The following PLD1 variants were observed in gnomAD, a reference collection of about 807,000 sequenced individuals.
PLD1 encodes phospholipase D1.
In PLD1, 112 loss-of-function variants were observed where a neutral mutation model predicts 137.1. The observed-to-expected ratio is 0.82, with a 90% confidence interval of 0.70 to 0.96. The LOEUF (loss-of-function observed/expected upper bound fraction) is 0.96, where lower values mean the gene tolerates loss of function less well. Ranked by LOEUF, PLD1 falls within the 40% of genes least tolerant of loss-of-function variation. The pLI, the probability that PLD1 is intolerant of heterozygous loss-of-function variation, is 0.00. For missense variants in PLD1, 1,321 were observed against 1,342.0 expected (o/e 0.98, Z 0.24); for synonymous variants, 431 against 454.7 (o/e 0.95, Z 0.66).
At chr3:171,711,167 CTT>C (rs562934959) in intron 9 of PLD1, among the ~76,000 whole-genome samples, 2,357 of 94,636 alleles carry the variant, frequency 0.025, 26 homozygotes, top group Non-Finnish European at 0.03. Flanking sequence ...CTGTGCCAGC[CTT>C]TTTTTTTTTT....
rs1184906870 is a variant in PLD1 at position 171,686,797 on chromosome 3, AC to A, written c.1754del (p.Ser585IlefsTer12). 3 of 1,394,614 alleles carry A rather than the reference AC, an allele frequency of 2.2e-6. No individual in the cohort carries two copies. In the African/African-American group the frequency reaches 4.4e-5, roughly 20 times the overall value. The allele number at this position is 1,394,614 out of a possible 1,614,324, so 86.4% of individuals were successfully genotyped here. On this transcript the variant is annotated frameshift_variant and splice_region_variant, in exon 16 of 27. Transcript: ENST00000351298. LOFTEE classifies it high-confidence loss of function. ...GATGACTTCTATAGTGATTAAAATA[AC>A]CTAGAGAAATTAAGAATTTTTTTAC... is the stretch of plus-strand genomic sequence containing the variant. ...DSISSIDSTS[S>X]YFNHYRSHHN...
At position 171,654,130 on chromosome 3, in the gene PLD1, G is replaced by A. The variant is rs552598369; in HGVS notation, c.2429+5083C>T. ...AGCCTGGCCGACATGGTGAAACCCC[G>A]TCTCCACCAAAAATACAAAAAAATT... On this transcript the variant is annotated intron_variant, in intron 21 of 26. Coordinates refer to ENST00000351298, the MANE Select transcript of PLD1 (RefSeq NM_002662.5). 28 of 360,060 alleles carry A rather than the reference G, an allele frequency of 7.8e-5. No individual in the cohort carries two copies. The East Asian group carries it at 2.1e-3, about 27-fold the overall frequency. 22.3% of individuals were successfully genotyped at this position (360,060 alleles called of 1,614,324 possible).
intron 26 of PLD1, among the ~76,000 whole-genome samples, chr3:171,603,543 CTAA>C (rs1364582872): frequency 6.6e-6 from 1 of 152,134 alleles, no homozygotes; most frequent in Non-Finnish European, 1.5e-5. Context: ...AGAAATTACA[CTAA>C]TGTTACCCCA....
At chr3:171,758,354 G>A (rs1229592925) in intron 1 of PLD1, among the ~76,000 whole-genome samples, 5 of 152,118 alleles carry the variant, frequency 3.3e-5, no homozygotes, top group African/African-American at 1.2e-4. Flanking sequence ...GAACTTAACT[G>A]GACACTGGCC....
intron 19 of PLD1, among the ~76,000 whole-genome samples, chr3:171,663,941 A>G (rs1008879163): frequency 6.6e-6 from 1 of 152,236 alleles, no homozygotes; most frequent in Admixed American, 6.5e-5. Flanking sequence ...GTTCAAATCA[A>G]TAACTTTAAA....
At chr3:171,730,023 A>G (rs1285165165) in intron 6 of PLD1, among the ~76,000 whole-genome samples, 1 of 152,194 alleles carries the variant, frequency 6.6e-6, no homozygotes, top group African/African-American at 2.4e-5. Flanking sequence ...TCTCTTGGAA[A>G]TTGTACAATT....
At chr3:171,747,929 A>G (rs1454022572) in intron 1 of PLD1, among the ~76,000 whole-genome samples, 1 of 152,218 alleles carries the variant, frequency 6.6e-6, no homozygotes, top group Admixed American at 6.5e-5. Flanking sequence ...TCACCTAAAA[A>G]CTGAAAATTA....
intron 16 of PLD1, among the ~76,000 whole-genome samples, chr3:171,682,792 C>G (rs960333507): frequency 2.6e-5 from 4 of 152,154 alleles, no homozygotes; most frequent in African/African-American, 9.7e-5. Context: ...CTTCAATGTT[C>G]TCCTCAAAGC....
At chr3:171,656,469 C>A (rs1737213931) in intron 21 of PLD1, among the ~76,000 whole-genome samples, 1 of 152,324 alleles carries the variant, frequency 6.6e-6, no homozygotes, top group South Asian at 2.1e-4. Flanking sequence ...CCATGCCCAG[C>A]CTAATTTTAT....
intron 19 of PLD1, among the ~76,000 whole-genome samples, chr3:171,664,621 C>A (rs973359247): frequency 9.1e-6 from 1 of 109,468 alleles, no homozygotes; most frequent in Non-Finnish European, 1.8e-5. Flanking sequence ...CCATGCCCAG[C>A]TATTTTTTTT....
chr3:171,692,395 G>A lies in PLD1; in HGVS notation c.1275C>T (p.Leu425=), dbSNP rs371927432. The A allele has an allele frequency of 4.4e-5, 70 of 1,606,044 alleles. No individual in the cohort carries two copies. The South Asian group carries it at 5.7e-4, about 13-fold the overall frequency. The change falls in exon 13 of 27, where the codon CTC becomes CTT. Residue 425 remains leucine (L), a synonymous_variant. Transcript: ENST00000351298. The stretch of plus-strand genomic sequence containing the variant: ...TGTATTCACTATTGATGCCAAGAGC[G>A]AGTTCCACCTCTTTGTAGAGCATTA... ...IFIMLYKEVE[L]ALGINSEYTK... is the part of the protein sequence containing the mutation.
chr3:171,749,025 T>G (rs1243012112), intron 1 of PLD1, among the ~76,000 whole-genome samples: 2 of 151,928 alleles, frequency 1.3e-5, no homozygotes. Context: ...TGCTACAAAC[T>G]TCTGGAAACA....
intron 23 of PLD1, among the ~76,000 whole-genome samples, chr3:171,639,848 C>CTCTCTCTCTATATATATATATATA (rs3050415): frequency 2.7e-5 from 3 of 110,214 alleles, no homozygotes; most frequent in African/African-American, 1.2e-4. Flanking sequence ...CTCTCTCTCT[C>CTCTCTCTCTATATATATATATATA]TATATATATA....
intron 16 of PLD1, among the ~76,000 whole-genome samples, chr3:171,680,737 T>C (rs146185945): frequency 2.6e-5 from 4 of 152,316 alleles, no homozygotes; most frequent in African/African-American, 9.6e-5. Context: ...GCTGTCTGTG[T>C]GTAGTAACTC....
chr3:171,603,215 G>C lies in PLD1; in HGVS notation c.3088C>G (p.Pro1030Ala), dbSNP rs944731543. The C allele has an allele frequency of 4.3e-6, 7 of 1,614,004 alleles. No homozygotes were observed. In the African/African-American group the frequency reaches 8.0e-5, roughly 18 times the overall value. Residue 1030 changes from proline (P) to alanine (A), a missense_variant, in exon 27 of 27, where the codon CCC becomes GCC. Physicochemically the swap from Pro to Ala is conservative, Grantham distance 27 (BLOSUM62 -1). Coordinates refer to ENST00000351298, the MANE Select transcript of PLD1 (RefSeq NM_002662.5). ...INKPVLAKED[P>A]IRAEEELKKI... ...TTCAGTTCCTCCTCAGCTCGAATGGGATCTTCCTTAGCTAATACGGGCTTG... is the reference window on the plus strand; with the variant it reads ...TTCAGTTCCTCCTCAGCTCGAATGGCATCTTCCTTAGCTAATACGGGCTTG...
intron 11 of PLD1, among the ~76,000 whole-genome samples, chr3:171,701,827 T>C (rs1716262784): frequency 6.6e-6 from 1 of 152,214 alleles, no homozygotes; most frequent in East Asian, 1.9e-4. Flanking sequence ...GCATCGTTAC[T>C]GCATGTACCA....
At chr3:171,738,229 G>A in intron 1 of PLD1, 147 bp from the exon 2 acceptor site, 1 of 345,448 alleles carries the variant, frequency 2.9e-6, no homozygotes, top group Non-Finnish European at 5.2e-6. Context: ...CAACCTTTTA[G>A]TTTACGTTCC....
At chr3:171,637,503 A>C (rs1014373983) in intron 23 of PLD1, among the ~76,000 whole-genome samples, 2 of 152,078 alleles carry the variant, frequency 1.3e-5, no homozygotes, top group African/African-American at 4.8e-5. Context: ...AAAGTGCTGG[A>C]ATTACAGGTG....
At chr3:171,652,368 G>T in intron 21 of PLD1, among the ~76,000 whole-genome samples, 1 of 148,376 alleles carries the variant, frequency 6.7e-6, no homozygotes, top group Admixed American at 6.8e-5. Context: ...AGCCAAGATC[G>T]CGCCACTGCA....
Sources: gnomAD v4.1 joint callset for allele counts (sites outside exome capture counted in the v4.1 genomes callset) on GRCh38, gnomAD v4.1.1 for gene constraint, MANE v1.5 for transcripts, NCBI Gene and HGNC (gene_info 2026-07-23, HGNC 2026-07-21) for gene names.